UBE2E2: variants seen among roughly 807,000 people sequenced by gnomAD.
UBE2E2 encodes ubiquitin-conjugating enzyme E2 E2.
In UBE2E2, 6 loss-of-function variants were observed where a neutral mutation model predicts 24.7. The observed-to-expected ratio is 0.24, with a 90% CI of 0.13 to 0.48. The LOEUF is 0.48. Among genes scored for constraint, UBE2E2 ranks in the 20% least tolerant of loss-of-function variants. UBE2E2 has a pLI of 0.99. For synonymous variants in UBE2E2, 104 were observed against 83.6 expected (o/e 1.24, Z -1.33); for missense variants, 169 against 245.0 (o/e 0.69, Z 2.07).
chr3:23,271,466 G>C (rs544175581), intron 3 of UBE2E2, among the ~76,000 whole-genome samples: 1 of 152,270 alleles, frequency 6.6e-6, no homozygotes, highest in African/African-American at 2.4e-5. Context: ...AAGGGGACCC[G>C]AGTGGGTTGC....
chr3:23,349,460 A>C (rs1575577640), intron 3 of UBE2E2, among the ~76,000 whole-genome samples: 1 of 152,230 alleles, frequency 6.6e-6, no homozygotes, highest in Non-Finnish European at 1.5e-5. Flanking sequence ...GCAAGGGGTC[A>C]GGGAGTTCCC....
chr3:23,537,077 A>T (rs925056291), intron 5 of UBE2E2, among the ~76,000 whole-genome samples: 8 of 152,212 alleles, frequency 5.3e-5, no homozygotes, highest in Non-Finnish European at 1.5e-5. Context: ...CAGCCACATT[A>T]AGTGAGGACT....
Position 23,591,243 on chromosome 3 carries a change from T to C in UBE2E2, c.*1412T>C, listed in dbSNP as rs1342633559. On this transcript the variant is annotated 3_prime_UTR_variant, in exon 6 of 6. Transcript: ENST00000396703. ...CTCCTACTCCTGCTGCACCATACAG[T>C]TACAGACCCTACCATACTCTTGGTC... is the stretch of plus-strand genomic sequence containing the variant. The C allele has an allele frequency of 6.6e-6, 1 of 152,190 alleles. No individual in the cohort carries two copies. The highest frequency in any genetic ancestry group is 1.5e-5 in the Non-Finnish European group (1 of 68,036). The allele number at this position is 152,190 out of a possible 1,614,324, so 9.4% of individuals were successfully genotyped here. A position where few individuals can be genotyped will look rare whatever the true frequency, so the allele number is the denominator to read the frequency against.
At chr3:23,416,917 T>G (rs1697651640) in intron 3 of UBE2E2, among the ~76,000 whole-genome samples, 1 of 152,196 alleles carries the variant, frequency 6.6e-6, no homozygotes, top group South Asian at 2.1e-4. Context: ...TTTATGTTCT[T>G]CTCTAAACTG....
At chr3:23,481,679 A>C (rs755574734) in intron 3 of UBE2E2, among the ~76,000 whole-genome samples, 2 of 152,248 alleles carry the variant, frequency 1.3e-5, no homozygotes, top group Non-Finnish European at 2.9e-5. Flanking sequence ...AAGTGGATAA[A>C]TTAAATCTGC....
At chr3:23,341,873 G>C (rs1378797239) in intron 3 of UBE2E2, among the ~76,000 whole-genome samples, 11 of 152,172 alleles carry the variant, frequency 7.2e-5, no homozygotes, top group African/African-American at 2.4e-4. Context: ...TCAATGAGAA[G>C]ATGTAAACAA....
intron 3 of UBE2E2, among the ~76,000 whole-genome samples, chr3:23,496,362 C>T (rs1699602255): frequency 6.6e-6 from 1 of 152,062 alleles, no homozygotes; most frequent in African/African-American, 2.4e-5. Flanking sequence ...AGAAGTGAAA[C>T]ATACCCAGAA....
intron 3 of UBE2E2, among the ~76,000 whole-genome samples, chr3:23,438,816 T>A (rs1475342046): frequency 6.6e-6 from 1 of 152,234 alleles, no homozygotes; most frequent in Non-Finnish European, 1.5e-5. Flanking sequence ...GTATTCATAT[T>A]GAAACCATAA....
intron 5 of UBE2E2, among the ~76,000 whole-genome samples, chr3:23,559,094 C>G (rs1049688314): frequency 2.0e-5 from 3 of 152,186 alleles, no homozygotes; most frequent in East Asian, 3.9e-4. Context: ...ATTAGAACTC[C>G]ATGAACTTTA....
chr3:23,532,550 G>T lies in UBE2E2; in HGVS notation c.361-4G>T. The T allele has an allele frequency of 6.6e-7, 1 of 1,508,012 alleles. No homozygotes were observed. Among genetic ancestry groups the T allele is most frequent in the Non-Finnish European group, 9.0e-7 (1 of 1,108,928 alleles). The allele number at this position is 1,508,012 out of a possible 1,614,324, so 93.4% of individuals were successfully genotyped here. A position where few individuals can be genotyped will look rare whatever the true frequency, so the allele number is the denominator to read the frequency against. ...ACAAAATATAACTTTACATTTTCTT[G>T]TAGGTTACCTTCCGAACAAGAATCT... On this transcript the variant is annotated splice_polypyrimidine_tract_variant and splice_region_variant and intron_variant, in intron 4 of 5. Coordinates refer to ENST00000396703, the MANE Select transcript of UBE2E2 (RefSeq NM_152653.4).
chr3:23,313,124 C>T (rs1360588789), intron 3 of UBE2E2, among the ~76,000 whole-genome samples: 11 of 151,986 alleles, frequency 7.2e-5, no homozygotes, highest in African/African-American at 2.2e-4. Flanking sequence ...GCCTACAGTG[C>T]GGATTAAGTC....
intron 3 of UBE2E2, among the ~76,000 whole-genome samples, chr3:23,226,142 G>A (rs1440033269): frequency 6.6e-6 from 1 of 152,166 alleles, no homozygotes; most frequent in Non-Finnish European, 1.5e-5. Context: ...GCCTCCTAAA[G>A]TGCTGGGTTT....
At chr3:23,256,968 T>C (rs1375857141) in intron 3 of UBE2E2, among the ~76,000 whole-genome samples, 3 of 152,240 alleles carry the variant, frequency 2.0e-5, no homozygotes, top group Non-Finnish European at 4.4e-5. Flanking sequence ...TATGTAAGAA[T>C]AGAAGCCTAT....
At chr3:23,575,761 C>T (rs531659322) in intron 5 of UBE2E2, among the ~76,000 whole-genome samples, 2 of 152,116 alleles carry the variant, frequency 1.3e-5, no homozygotes, top group Non-Finnish European at 2.9e-5. Context: ...ATCTGCCCTC[C>T]AGAAGTACTC....
At position 23,290,506 on chromosome 3, in the gene UBE2E2, T is replaced by G. The variant is rs151110583; in HGVS notation, c.227+73194T>G. On this transcript the variant is annotated intron_variant, in intron 3 of 5. Coordinates refer to ENST00000396703, the MANE Select transcript of UBE2E2 (RefSeq NM_152653.4). ...TTTTTTAATTTTTATTTTTTTGAACTAGGGGCTTGCTTTGTTGCCTAGGCT... is the reference window on the plus strand; with the variant it reads ...TTTTTTAATTTTTATTTTTTTGAACGAGGGGCTTGCTTTGTTGCCTAGGCT... Among the ~76,000 whole-genome samples, 1,325 of 152,060 alleles carry G rather than the reference T, an allele frequency of 8.7e-3. 17 individuals are homozygous for G. The highest frequency in any genetic ancestry group is 0.029 in the African/African-American group (1,215 of 41,472).
At chr3:23,464,705 A>T (rs1320564439) in intron 3 of UBE2E2, among the ~76,000 whole-genome samples, 1 of 152,178 alleles carries the variant, frequency 6.6e-6, no homozygotes, top group Non-Finnish European at 1.5e-5. Context: ...GTGAGAAAAT[A>T]CTTCTCTAGT....
intron 4 of UBE2E2, among the ~76,000 whole-genome samples, chr3:23,531,509 GT>G (rs1218008176): frequency 6.6e-6 from 1 of 152,138 alleles, no homozygotes; most frequent in African/African-American, 2.4e-5. Context: ...CAGTTGAAGT[GT>G]TTTACAAATG....
chr3:23,525,648 C>T (rs758353377), intron 4 of UBE2E2, among the ~76,000 whole-genome samples: 71 of 152,260 alleles, frequency 4.7e-4, no homozygotes, highest in Admixed American at 2.0e-3. Flanking sequence ...CCAATGTAGG[C>T]GTAACTAGTT....
At chr3:23,447,480 G>A (rs912779297) in intron 3 of UBE2E2, among the ~76,000 whole-genome samples, 1 of 152,192 alleles carries the variant, frequency 6.6e-6, no homozygotes, top group Non-Finnish European at 1.5e-5. Flanking sequence ...AAGAATGTCA[G>A]CAGTTTGGAA....
Sources: allele counts gnomAD v4.1 joint callset (sites outside exome capture counted in the v4.1 genomes callset), GRCh38; gene constraint gnomAD v4.1.1; transcripts MANE v1.5; gene names NCBI Gene and HGNC (gene_info 2026-07-23, HGNC 2026-07-21).